Variants in ARHGAP26 observed in about 807,000 individuals in gnomAD.
ARHGAP26 encodes the protein rho GTPase-activating protein 26.
Under a neutral mutation model 104.8 loss-of-function variants are expected in ARHGAP26, and 38 were observed. The ratio of observed to expected loss-of-function variants is 0.36; its 90% CI spans 0.28 to 0.48. The LOEUF (loss-of-function observed/expected upper bound fraction) is 0.48, where lower values mean the gene tolerates loss of function less well. Among genes scored for constraint, ARHGAP26 ranks in the 20% least tolerant of loss-of-function variants. ARHGAP26 has a pLI of 0.99. For synonymous variants in ARHGAP26, 341 were observed against 340.0 expected, an observed-to-expected ratio of 1.00 and a Z score of -0.03; for missense variants, 704 against 947.9, an observed-to-expected ratio of 0.74 and a Z score of 3.38.
intron 20 of ARHGAP26, among the ~76,000 whole-genome samples, chr5:143,183,395 G>A (rs962077872): frequency 2.0e-5 from 3 of 152,030 alleles, no homozygotes; most frequent in South Asian, 2.1e-4. Flanking sequence ...CGTGTGCTCC[G>A]TGACCTGCCT....
chr5:142,934,246 C>G (rs868279665), intron 11 of ARHGAP26, among the ~76,000 whole-genome samples: 10 of 152,256 alleles, frequency 6.6e-5, no homozygotes, highest in African/African-American at 2.2e-4. Context: ...TTCAGTTTTC[C>G]TGTAGATTAA....
chr5:143,106,703 C>T (rs1794073513), intron 17 of ARHGAP26, among the ~76,000 whole-genome samples: 2 of 152,098 alleles, frequency 1.3e-5, no homozygotes. Context: ...GAACTCCTGA[C>T]CTCAGGTGAT....
chr5:142,923,856 C>CT (rs1763523682), intron 10 of ARHGAP26, among the ~76,000 whole-genome samples: 2 of 127,444 alleles, frequency 1.6e-5, no homozygotes, highest in Non-Finnish European at 3.1e-5. Context: ...AGGATCAGAT[C>CT]CTTTTTTTTT....
intron 17 of ARHGAP26, among the ~76,000 whole-genome samples, chr5:143,086,617 A>C (rs1185811121): frequency 1.3e-5 from 2 of 152,234 alleles, no homozygotes; most frequent in Admixed American, 6.5e-5. Flanking sequence ...CTGAAGAGTG[A>C]AATGCTCACT....
At chr5:143,158,487 A>G (rs1800782826) in intron 20 of ARHGAP26, among the ~76,000 whole-genome samples, 2 of 152,106 alleles carry the variant, frequency 1.3e-5, no homozygotes, top group African/African-American at 4.8e-5. Flanking sequence ...CTGGGGAAGA[A>G]TTTAGCCTCA....
At chr5:142,805,387 C>T (rs1394506241) in intron 1 of ARHGAP26, among the ~76,000 whole-genome samples, 1 of 152,150 alleles carries the variant, frequency 6.6e-6, no homozygotes, top group Admixed American at 6.6e-5. Context: ...CAGGTGTGAC[C>T]CACCACGCCT....
intron 17 of ARHGAP26, 123 bp downstream of exon 17, chr5:143,057,870 C>A: frequency 1.2e-6 from 1 of 847,422 alleles, no homozygotes. Flanking sequence ...ATGCTGGAGG[C>A]TTAGGAAAGA....
At chr5:143,019,926 T>G (rs1313800739) in intron 12 of ARHGAP26, among the ~76,000 whole-genome samples, 1 of 152,170 alleles carries the variant, frequency 6.6e-6, no homozygotes, top group African/African-American at 2.4e-5. Context: ...ATTCCATAGG[T>G]TAATCGGGTT....
At chr5:143,174,253 T>G (rs1174373882) in intron 20 of ARHGAP26, among the ~76,000 whole-genome samples, 2 of 152,230 alleles carry the variant, frequency 1.3e-5, no homozygotes, top group Middle Eastern at 3.2e-3. Flanking sequence ...CACAATGGCA[T>G]GCTACATAGC....
chr5:143,043,081 G>A (rs1783711321), intron 14 of ARHGAP26, among the ~76,000 whole-genome samples: 2 of 152,122 alleles, frequency 1.3e-5, no homozygotes, highest in South Asian at 2.1e-4. Flanking sequence ...GTAACATCTT[G>A]CAAAACACAA....
chr5:142,988,128 C>G (rs1015863609), intron 11 of ARHGAP26, among the ~76,000 whole-genome samples: 1 of 152,082 alleles, frequency 6.6e-6, no homozygotes, highest in African/African-American at 2.4e-5. Context: ...TGATCCTGGA[C>G]GTTTTTTGGT....
intron 5 of ARHGAP26, among the ~76,000 whole-genome samples, chr5:142,891,532 T>C (rs1275205433): frequency 6.6e-6 from 1 of 152,004 alleles, no homozygotes; most frequent in Non-Finnish European, 1.5e-5. Flanking sequence ...TTTTCTTTAC[T>C]ATGCTGTAAG....
chr5:142,932,608 A>G (rs1228721223), intron 11 of ARHGAP26, among the ~76,000 whole-genome samples: 1 of 152,242 alleles, frequency 6.6e-6, no homozygotes, highest in East Asian at 1.9e-4. Flanking sequence ...CTTAGTTCCA[A>G]GGATCTCAAC....
intron 21 of ARHGAP26, among the ~76,000 whole-genome samples, chr5:143,210,003 C>A (rs1293116319): frequency 6.6e-6 from 1 of 152,138 alleles, no homozygotes; most frequent in African/African-American, 2.4e-5. Flanking sequence ...AGATTTCCTT[C>A]CCTGAGCAAA....
At chr5:143,128,815 T>A (rs1797000877) in intron 18 of ARHGAP26, among the ~76,000 whole-genome samples, 3 of 152,190 alleles carry the variant, frequency 2.0e-5, no homozygotes, top group Admixed American at 1.3e-4. Flanking sequence ...AACCTTTCTG[T>A]TTTGCTTTGT....
intron 13 of ARHGAP26, among the ~76,000 whole-genome samples, chr5:143,038,394 C>A (rs978000809): frequency 1.3e-5 from 2 of 152,036 alleles, no homozygotes; most frequent in Non-Finnish European, 2.9e-5. Context: ...CAGTTATTTC[C>A]CCTGTACCTC....
At chr5:142,878,138 C>A (rs1267062044) in intron 3 of ARHGAP26, among the ~76,000 whole-genome samples, 2 of 152,102 alleles carry the variant, frequency 1.3e-5, no homozygotes, top group African/African-American at 4.8e-5. Flanking sequence ...CTGGCATTTA[C>A]CCGGTTAGTT....
intron 17 of ARHGAP26, among the ~76,000 whole-genome samples, chr5:143,064,319 A>G (rs2150339321): frequency 6.6e-6 from 1 of 151,992 alleles, no homozygotes; most frequent in Non-Finnish European, 1.5e-5. Flanking sequence ...GGCTTATGCC[A>G]AAAGAGGAGC....
chr5:142,803,892 T>C (rs1031013161), intron 1 of ARHGAP26, among the ~76,000 whole-genome samples: 1 of 152,224 alleles, frequency 6.6e-6, no homozygotes, highest in African/African-American at 2.4e-5. Flanking sequence ...GAGTGTATAG[T>C]TCCAGAGAGG....
Sources: allele counts gnomAD v4.1 joint callset (sites outside exome capture counted in the v4.1 genomes callset), GRCh38; gene constraint gnomAD v4.1.1; transcripts MANE v1.5; gene names NCBI Gene and HGNC (gene_info 2026-07-23, HGNC 2026-07-21).